Variants in CDH13 observed in about 807,000 individuals in gnomAD.
The protein encoded by CDH13 is cadherin-13.
CDH13 carries 24 observed loss-of-function variants against 63.8 expected under a neutral mutation model. The observed-to-expected ratio is 0.38, with a 90% confidence interval of 0.27 to 0.53. The LOEUF (loss-of-function observed/expected upper bound fraction) is 0.53. Among genes scored for constraint, CDH13 ranks in the 20% least tolerant of loss-of-function variants. The pLI is 0.85. For missense variants in CDH13, 1,049 were observed against 903.1 expected (o/e 1.16, Z -2.07); for synonymous variants, 503 against 355.3 (o/e 1.42, Z -4.67).
At chr16:83,658,974 A>G (rs1913170909) in intron 8 of CDH13, among the ~76,000 whole-genome samples, 1 of 124,680 alleles carries the variant, frequency 8.0e-6, no homozygotes, top group African/African-American at 3.1e-5. Context: ...CTCACCAGCA[A>G]GGTCCCATGT....
At chr16:82,704,774 C>T (rs1490782098) in intron 1 of CDH13, among the ~76,000 whole-genome samples, 1 of 152,180 alleles carries the variant, frequency 6.6e-6, no homozygotes, top group African/African-American at 2.4e-5. Flanking sequence ...CTTAATTTCC[C>T]CAAGCCTCAG....
intron 6 of CDH13, among the ~76,000 whole-genome samples, chr16:83,417,908 T>A (rs1316762197): frequency 6.6e-6 from 1 of 152,002 alleles, no homozygotes; most frequent in Non-Finnish European, 1.5e-5. Flanking sequence ...GAAAGAGAAA[T>A]CATAACTGTT....
intron 1 of CDH13, among the ~76,000 whole-genome samples, chr16:82,797,822 T>A (rs912744869): frequency 6.0e-5 from 9 of 150,240 alleles, no homozygotes; most frequent in African/African-American, 2.2e-4. Context: ...CATGTGTATG[T>A]GTACATACTT....
chr16:82,662,233 A>ATTTTTATCATCT (rs780185097), intron 1 of CDH13, among the ~76,000 whole-genome samples: 7,253 of 152,324 alleles, frequency 0.048, 188 homozygotes, highest in Non-Finnish European at 0.063. Flanking sequence ...CTTAAAAAAC[A>ATTTTTATCATCT]GATGCAACAC....
intron 8 of CDH13, among the ~76,000 whole-genome samples, chr16:83,650,346 T>C (rs1912251558): frequency 6.6e-6 from 1 of 152,226 alleles, no homozygotes; most frequent in Non-Finnish European, 1.5e-5. Context: ...CTTGAATGTT[T>C]TTCTGGCAAC....
chr16:83,242,739 C>G (rs1278052929), intron 5 of CDH13, among the ~76,000 whole-genome samples: 2 of 152,060 alleles, frequency 1.3e-5, no homozygotes, highest in Non-Finnish European at 1.5e-5. Context: ...TCTTGGAGAC[C>G]GATGTTGGGG....
chr16:83,660,232 C>T (rs893420409), intron 8 of CDH13, among the ~76,000 whole-genome samples: 2 of 152,134 alleles, frequency 1.3e-5, no homozygotes, highest in Non-Finnish European at 2.9e-5. Flanking sequence ...TTGTAATATA[C>T]AATGACATAA....
chr16:83,159,956 A>G (rs2037376574), intron 4 of CDH13, among the ~76,000 whole-genome samples: 1 of 152,002 alleles, frequency 6.6e-6, no homozygotes, highest in South Asian at 2.1e-4. Flanking sequence ...CATACCTGTA[A>G]TCTCAGCTAC....
At chr16:82,682,809 T>C (rs1914685725) in intron 1 of CDH13, among the ~76,000 whole-genome samples, 1 of 152,206 alleles carries the variant, frequency 6.6e-6, no homozygotes, top group African/African-American at 2.4e-5. Flanking sequence ...CCCTCTGCTC[T>C]TGTAATTTTC....
At chr16:83,006,329 G>C (rs566997446) in intron 2 of CDH13, among the ~76,000 whole-genome samples, 1 of 152,126 alleles carries the variant, frequency 6.6e-6, no homozygotes, top group Admixed American at 6.5e-5. Context: ...ATTTTGATCC[G>C]AGAGGCTTTC....
intron 5 of CDH13, among the ~76,000 whole-genome samples, chr16:83,232,756 T>C (rs1304542146): frequency 7.0e-6 from 1 of 142,556 alleles, no homozygotes; most frequent in Non-Finnish European, 1.5e-5. Context: ...CTTTTATAAA[T>C]GACCCACTCT....
chr16:83,748,241 A>G lies in CDH13; in HGVS notation c.1672A>G (p.Ile558Val), dbSNP rs372694415. Residue 558 changes from isoleucine to valine, a missense_variant, in exon 11 of 14, where the codon ATT becomes GTT. Transcript: ENST00000567109. The part of the protein sequence containing the change: ...NSVYTALFLA[I>V]DSGNPPATGT... ...CGTGTACACTGCTCTCTTCCTGGCA[A>G]TTGACAGTGGTGAGTACTTGACAAA... The G allele has an allele frequency of 2.8e-5, 45 of 1,609,054 alleles. No homozygotes were observed. Among genetic ancestry groups the G allele is most frequent in the Non-Finnish European group, 3.8e-5 (45 of 1,176,160 alleles).
intron 10 of CDH13, among the ~76,000 whole-genome samples, chr16:83,697,321 C>T (rs1045972567): frequency 1.3e-5 from 2 of 152,134 alleles, no homozygotes; most frequent in Non-Finnish European, 2.9e-5. Context: ...TTTTTGTGAT[C>T]TGTTTAGTGC....
At chr16:82,728,505 A>T (rs80155719) in intron 1 of CDH13, among the ~76,000 whole-genome samples, 2,103 of 152,256 alleles carry the variant, frequency 0.014, 56 homozygotes, top group African/African-American at 0.048. Context: ...GTAGTCTATT[A>T]AGTTTGAAAT....
chr16:82,912,904 C>T (rs2041876489), intron 2 of CDH13, among the ~76,000 whole-genome samples: 2 of 150,910 alleles, frequency 1.3e-5, no homozygotes, highest in Admixed American at 1.3e-4. Flanking sequence ...GATCACGCCA[C>T]TGCACTCCAG....
rs115363441 is a variant in CDH13, at chr16:82,644,351, C to T, written c.45+17214C>T. ...CCACCCCTGCCTTCTGCGTCTCCCT[C>T]TGTGCTCTCCATCACCCCCCTACGG... On this transcript the variant is annotated intron_variant, in intron 1 of 13. Coordinates refer to ENST00000567109, the MANE Select transcript of CDH13 (RefSeq NM_001257.5). This position sits in a 1 kb window ranked among gnomAD's most constrained non-coding sequence, Gnocchi z 5.7. Among the ~76,000 whole-genome samples, 899 of 152,266 alleles carry T rather than the reference C, an allele frequency of 5.9e-3. 12 individuals are homozygous for T. The highest frequency in any genetic ancestry group is 0.021 in the African/African-American group (867 of 41,532).
chr16:83,065,398 A>C (rs1341406134), intron 3 of CDH13, among the ~76,000 whole-genome samples: 1 of 152,170 alleles, frequency 6.6e-6, no homozygotes, highest in Non-Finnish European at 1.5e-5. Flanking sequence ...TGCTAATTCA[A>C]AGAAACAGAT....
rs35207887 is a variant in CDH13, at chr16:83,030,640, T to TAAA, written c.158-1349_158-1347dup. On this transcript the variant is annotated intron_variant, in intron 2 of 13. Coordinates refer to ENST00000567109, the MANE Select transcript of CDH13 (RefSeq NM_001257.5). ...TCTGGATGACAGAGCAAGACTCTGT[T>TAAA]AAAAAAAAAAAAAAAAAAAAAAAGC... Among the ~76,000 whole-genome samples, 34 of 92,888 alleles carry TAAA rather than the reference T, an allele frequency of 3.7e-4. 2 individuals are homozygous for TAAA. The highest frequency in any genetic ancestry group is 1.3e-3 in the East Asian group (4 of 3,184). 60.9% of individuals were successfully genotyped at this position (92,888 alleles called of 152,430 possible).
At chr16:83,580,200 T>A (rs1160028064) in intron 7 of CDH13, among the ~76,000 whole-genome samples, 2 of 152,056 alleles carry the variant, frequency 1.3e-5, no homozygotes, top group Admixed American at 1.3e-4. Flanking sequence ...AGCAGAGTGA[T>A]TGGCATTGAG....
Sources: gnomAD v4.1 joint callset for allele counts (sites outside exome capture counted in the v4.1 genomes callset) on GRCh38, gnomAD v4.1.1 for gene constraint, Gnocchi (gnomAD v3.1) non-coding constraint, MANE v1.5 for transcripts, NCBI Gene and HGNC (gene_info 2026-07-23, HGNC 2026-07-21) for gene names.